The following USP6 variants were observed in gnomAD, a reference collection of about 807,000 sequenced individuals.
USP6 encodes ubiquitin carboxyl-terminal hydrolase 6.
In USP6, 128 loss-of-function variants were observed where a neutral mutation model predicts 175.7. That is an observed-to-expected ratio of 0.73 (90% confidence interval 0.63 to 0.84). The LOEUF (loss-of-function observed/expected upper bound fraction) is 0.84, where lower values mean the gene tolerates loss of function less well. USP6 is among the 40% of genes least tolerant of loss of function. The pLI, the probability that USP6 is intolerant of heterozygous loss-of-function variation, is 0.00. For missense variants in USP6, 1,498 were observed against 1,760.3 expected, an observed-to-expected ratio of 0.85 and a Z score of 2.67; for synonymous variants, 562 against 630.6, an observed-to-expected ratio of 0.89 and a Z score of 1.63.
intron 35 of USP6, 135 bp from the exon 36 acceptor site, chr17:5,170,344 A>G (rs1598106579): frequency 7.4e-7 from 1 of 1,346,176 alleles, no homozygotes; most frequent in Non-Finnish European, 1.0e-6. Flanking sequence ...TAGGAACCAA[A>G]GGGTAGCCAG....
At position 5,168,133 on chromosome 17, in the gene USP6, G is replaced by C; in HGVS notation, c.3228+10G>C. ...GCTTCCACCCTTCCTGGTATGTTAC[G>C]GTCCTGCCTCTGAGAGAGCAGGAAT... On this transcript the variant is annotated intron_variant, in intron 34 of 37. Transcript: ENST00000574788. The C allele has an allele frequency of 6.3e-7, 1 of 1,590,242 alleles. No individual in the cohort carries two copies. The highest frequency in any genetic ancestry group is 8.6e-7 in the Non-Finnish European group (1 of 1,163,666).
At chr17:5,167,035 A>G (rs2074109732) in intron 33 of USP6, among the ~76,000 whole-genome samples, 1 of 152,182 alleles carries the variant, frequency 6.6e-6, no homozygotes, top group African/African-American at 2.4e-5. Context: ...AAAAGGCCCC[A>G]TGAGGGAGGA....
In USP6 at chr17:5,139,551, A is replaced by G. The variant is rs145161072; in HGVS notation, c.1375A>G (p.Thr459Ala). 3.0e-5 allele frequency: 49 copies of G among 1,613,692 alleles called. No individual in the cohort carries two copies. The highest frequency in any genetic ancestry group is 4.0e-5 in the Non-Finnish European group (47 of 1,179,984). ...LEWKSMPRLPTDLDIGGPWFP... is the reference protein window; with the variant it reads ...LEWKSMPRLPADLDIGGPWFP... ...GTGGAAGTCAATGCCCCGGCTCCCA[A>G]CGGACCTGGATATAGGGGGCCCTTG... The change falls in exon 22 of 38, where the codon ACG (threonine) becomes GCG (alanine). Residue 459 changes from threonine to alanine, a missense_variant. This residue lies in a region of USP6 where 1,217 missense variants were observed against 1,500.8 expected (regional missense o/e 0.81). Coordinates refer to ENST00000574788, the MANE Select transcript of USP6 (RefSeq NM_001304284.2).
Position 5,147,124 on chromosome 17 carries a change from C to G in USP6, c.2361C>G (p.Ser787Arg). Residue 787 changes from serine (S) to arginine (R), a missense_variant, in exon 29 of 38, where the codon AGC (serine) becomes AGG (arginine). Coordinates refer to ENST00000574788, the MANE Select transcript of USP6 (RefSeq NM_001304284.2). ...QDNQKVQLSV[S>R]GFLCAFEIPV... ...ACCAAAAAGTACAACTCTCAGTGAGCGGATTTTTGTGTGCATTTGAAATTC... is the reference window on the plus strand; with the variant it reads ...ACCAAAAAGTACAACTCTCAGTGAGGGGATTTTTGTGTGCATTTGAAATTC... 1.9e-6 allele frequency: 3 copies of G among 1,613,622 alleles called. No individual in the cohort carries two copies. The highest frequency in any genetic ancestry group is 2.2e-5 in the South Asian group (2 of 90,996).
intron 33 of USP6, among the ~76,000 whole-genome samples, chr17:5,164,095 G>C (rs2144135959): frequency 6.6e-6 from 1 of 152,338 alleles, no homozygotes; most frequent in South Asian, 2.1e-4. Context: ...TAAGTCACAT[G>C]AGGAATTGTA....
At chr17:5,159,939 G>C (rs2073970525) in intron 31 of USP6, among the ~76,000 whole-genome samples, 1 of 148,336 alleles carries the variant, frequency 6.7e-6, no homozygotes, top group South Asian at 2.2e-4. Context: ...ACTCCAGCCT[G>C]GGCAACAGAG....
At chr17:5,172,255 A>C (rs113108173) in intron 37 of USP6, among the ~76,000 whole-genome samples, 9,649 of 148,068 alleles carry the variant, frequency 0.065, 1,048 homozygotes, top group African/African-American at 0.22. Context: ...GGTTGGGCCG[A>C]GCGCGGTGGC....
chr17:5,138,645 G>A, intron 21 of USP6, among the ~76,000 whole-genome samples: 1 of 152,126 alleles, frequency 6.6e-6, no homozygotes, highest in East Asian at 1.9e-4. Flanking sequence ...AGCAGCAGAG[G>A]CCCCTCACTC....
chr17:5,131,390 T>C (rs2073061733), intron 11 of USP6, among the ~76,000 whole-genome samples: 1 of 149,880 alleles, frequency 6.7e-6, no homozygotes, highest in Admixed American at 6.7e-5. Flanking sequence ...CCGGGCAAGA[T>C]AAGGTGGGAG....
rs539357323 is a variant in USP6 at position 5,140,335 on chromosome 17, C to T, written c.1498+661C>T. ...ATCCCAGCAATTTGAGAGGTCGAGG[C>T]GGGAGGTTCAGGTTCACTTGAGTCT... On this transcript the variant is annotated intron_variant, in intron 22 of 37. Coordinates refer to ENST00000574788, the MANE Select transcript of USP6 (RefSeq NM_001304284.2). 3.0e-4 allele frequency among the ~76,000 whole-genome samples: 45 copies of T among 152,210 alleles called. 1 individual carries two copies. Among genetic ancestry groups the T allele is most frequent in the South Asian group, 1.5e-3 (7 of 4,816 alleles).
chr17:5,174,478 T>G lies in USP6; in HGVS notation c.*1500T>G. The G allele has an allele frequency of 5.3e-6, 1 of 190,392 alleles. No individual in the cohort carries two copies. Among genetic ancestry groups the G allele is most frequent in the Non-Finnish European group, 1.1e-5 (1 of 90,520 alleles). The allele number at this position is 190,392 out of a possible 1,614,324, so 11.8% of individuals were successfully genotyped here. ...GGAAAGGTTATCTTAAATGGCTACCTAAATTGAAATCCTTTTCAGAAAAAA... is the reference window on the plus strand; with the variant it reads ...GGAAAGGTTATCTTAAATGGCTACCGAAATTGAAATCCTTTTCAGAAAAAA... On this transcript the variant is annotated 3_prime_UTR_variant, in exon 38 of 38. Coordinates refer to ENST00000574788, the MANE Select transcript of USP6 (RefSeq NM_001304284.2).
chr17:5,136,990 G>C, intron 18 of USP6, 131 bp from the exon 19 acceptor site: 5 of 1,192,098 alleles, frequency 4.2e-6, no homozygotes. Context: ...TGTGGGAAGG[G>C]GACAGTGTTG....
Position 5,163,005 on chromosome 17 carries a change from G to C in USP6, c.3036+1G>C. On this transcript the variant is annotated splice_donor_variant, in intron 33 of 37. Transcript: ENST00000574788. LOFTEE classifies it high-confidence loss of function. ...TCGCTATCAAACATCCCAGGAAAGG[G>C]TAAGAATTTAGGGCCACCGTAAAAT... 1 of 1,574,502 alleles carries C rather than the reference G, an allele frequency of 6.4e-7. No individual in the cohort carries two copies. Among genetic ancestry groups the C allele is most frequent in the Non-Finnish European group, 8.6e-7 (1 of 1,168,510 alleles).
chr17:5,126,932 C>T (rs1377098409), intron 6 of USP6: 1 of 152,252 alleles, frequency 6.6e-6, no homozygotes, highest in Non-Finnish European at 1.5e-5. Flanking sequence ...AAAGCTGGCG[C>T]AAGTGACATG....
intron 18 of USP6, 128 bp downstream of exon 18, chr17:5,136,862 G>A (rs997554137): frequency 1.4e-5 from 20 of 1,430,304 alleles, no homozygotes; most frequent in Non-Finnish European, 1.8e-5. Flanking sequence ...GACCTGGGAC[G>A]TCGGGTTCTC....
intron 4 of USP6, among the ~76,000 whole-genome samples, chr17:5,123,578 G>A (rs1019900198): frequency 1.3e-5 from 2 of 152,174 alleles, no homozygotes; most frequent in Non-Finnish European, 2.9e-5. Flanking sequence ...TCACACCGGG[G>A]GGGCACGCCG....
chr17:5,172,348 G>C (rs1207994481), intron 37 of USP6, among the ~76,000 whole-genome samples: 1 of 151,534 alleles, frequency 6.6e-6, no homozygotes, highest in Non-Finnish European at 1.5e-5. Flanking sequence ...TGGCTAATAT[G>C]GTGAAACCCC....
At position 5,138,152 on chromosome 17, in the gene USP6, G is replaced by A; in HGVS notation, c.957G>A (p.Leu319=). ...KRLMKTSRCG[L]WARLRNQFFD... ...TCATGAAGACATCCAGGTGTGGCCT[G>A]TGGGCACGTCTGCGGAACCAATTCT... The change falls in exon 21 of 38, where the codon CTG becomes CTA. Residue 319 remains leucine, a synonymous_variant. Transcript: ENST00000574788. 1 of 1,614,108 alleles carries A rather than the reference G, an allele frequency of 6.2e-7. No homozygotes were observed. The highest frequency in any genetic ancestry group is 8.5e-7 in the Non-Finnish European group (1 of 1,179,986).
Position 5,139,097 on chromosome 17 carries a change from C to T in USP6, c.1079-158C>T, listed in dbSNP as rs757004259. The T allele has an allele frequency of 2.5e-6, 4 of 1,595,718 alleles. No homozygotes were observed. In the East Asian group the frequency reaches 8.9e-5, roughly 36 times the overall value. Reference sequence around the variant, plus strand: ...CCATGCCAGGCAGCACACACCCCTCCCTCTGGGATCAGCAGACTACAGGCG... The same window carrying T: ...CCATGCCAGGCAGCACACACCCCTCTCTCTGGGATCAGCAGACTACAGGCG... On this transcript the variant is annotated intron_variant, in intron 21 of 37. Transcript: ENST00000574788.
Sources: allele counts gnomAD v4.1 joint callset (sites outside exome capture counted in the v4.1 genomes callset), GRCh38; gene constraint gnomAD v4.1.1; regional missense constraint gnomAD v4.1.1; transcripts MANE v1.5; gene names NCBI Gene and HGNC (gene_info 2026-07-23, HGNC 2026-07-21).